Variants in FAM120B observed in about 807,000 individuals in gnomAD.
FAM120B encodes constitutive coactivator of peroxisome proliferator-activated receptor gamma.
In FAM120B, 83 loss-of-function variants were observed where a neutral mutation model predicts 96.3. That is an observed-to-expected ratio of 0.86 (90% CI 0.72 to 1.03). FAM120B has a LOEUF of 1.03. FAM120B is among the 50% of genes least tolerant of loss of function. FAM120B has a pLI of 0.00. For missense variants in FAM120B, 1,027 were observed against 1,121.2 expected, an observed-to-expected ratio of 0.92 and a Z score of 1.20; for synonymous variants, 407 against 402.7, an observed-to-expected ratio of 1.01 and a Z score of -0.13.
intron 8 of FAM120B, among the ~76,000 whole-genome samples, chr6:170,393,707 A>T (rs1283263378): frequency 6.6e-6 from 1 of 152,180 alleles, no homozygotes; most frequent in African/African-American, 2.4e-5. Context: ...TATGCCCCAC[A>T]TGGCTCACCC....
chr6:170,353,334 G>A (rs1262310517), intron 5 of FAM120B, among the ~76,000 whole-genome samples: 1 of 152,168 alleles, frequency 6.6e-6, no homozygotes, highest in Admixed American at 6.5e-5. Context: ...AAGAAGAGCT[G>A]GCACCATTTC....
At chr6:170,375,235 AACCG>A (rs141810353) in intron 6 of FAM120B, among the ~76,000 whole-genome samples, 138 of 152,370 alleles carry the variant, frequency 9.1e-4, no homozygotes, top group African/African-American at 3.2e-3. Flanking sequence ...CTTTCTAAAT[AACCG>A]ACTGTGGAAT....
chr6:170,319,817 G>T (rs900951106), intron 2 of FAM120B, among the ~76,000 whole-genome samples: 1 of 152,216 alleles, frequency 6.6e-6, no homozygotes, highest in Non-Finnish European at 1.5e-5. Context: ...ACGCGGGGGC[G>T]CAGGGAGAAA....
intron 7 of FAM120B, 84 bp from the exon 8 acceptor site, chr6:170,390,929 C>G (rs572128783): frequency 9.3e-7 from 1 of 1,080,238 alleles, no homozygotes; most frequent in Non-Finnish European, 1.4e-6. Flanking sequence ...GAAGGGTGTC[C>G]CCTAAGCTTC....
intron 5 of FAM120B, among the ~76,000 whole-genome samples, chr6:170,355,984 C>A (rs978804552): frequency 6.6e-6 from 1 of 152,144 alleles, no homozygotes; most frequent in Admixed American, 6.5e-5. Context: ...CCAGGAGGGA[C>A]ACACCGCCTG....
intron 1 of FAM120B, among the ~76,000 whole-genome samples, chr6:170,315,273 C>G (rs1163114156): frequency 1.3e-5 from 2 of 152,184 alleles, no homozygotes; most frequent in Non-Finnish European, 2.9e-5. Flanking sequence ...AAATTAAAGC[C>G]AGGCATAGAG....
chr6:170,368,076 T>G (rs1333946012), intron 6 of FAM120B, among the ~76,000 whole-genome samples: 1 of 152,206 alleles, frequency 6.6e-6, no homozygotes, highest in African/African-American at 2.4e-5. Context: ...TCAATATGCA[T>G]GTATGTTGTG....
rs779797618 is a variant in FAM120B, at chr6:170,317,464, A to G, written c.74A>G (p.Glu25Gly). The G allele has an allele frequency of 5.0e-6, 8 of 1,614,112 alleles. No individual in the cohort carries two copies. The highest frequency in any genetic ancestry group is 5.9e-6 in the Non-Finnish European group (7 of 1,180,046). Reference sequence around the variant, plus strand: ...ATATGTACAGTAGTAAATTTCAAAGAACTGGCAGAGCACCACCGAAGCAAG... The same window carrying G: ...ATATGTACAGTAGTAAATTTCAAAGGACTGGCAGAGCACCACCGAAGCAAG... ...PHICTVVNFK[E>G]LAEHHRSKYP... is the part of the protein sequence containing the mutation. The change falls in exon 2 of 11, where the codon GAA (glutamate) becomes GGA (glycine). Residue 25 changes from glutamate (E) to glycine (G), a missense_variant. By Grantham distance (98) the Glu-to-Gly change is moderately conservative (BLOSUM62 -2). Coordinates refer to ENST00000476287, the MANE Select transcript of FAM120B (RefSeq NM_032448.3).
In FAM120B at chr6:170,348,228, G is replaced by A. The variant is rs570416580; in HGVS notation, c.2095G>A (p.Ala699Thr). The stretch of plus-strand genomic sequence containing the variant: ...GGTTCGGCGCTTGGACACACTCCTA[G>A]CCTGTTTCAATCTTTCCTCCTCAAG... ...IQVRRLDTLL[A>T]CFNLSSSREE... Residue 699 changes from alanine to threonine, a missense_variant, in exon 5 of 11, where the codon GCC becomes ACC. Physicochemically the swap from Ala to Thr is moderately conservative, Grantham distance 58 (BLOSUM62 0). Transcript: ENST00000476287. 1.1e-5 allele frequency: 17 copies of A among 1,614,086 alleles called. No homozygotes were observed. The highest frequency in any genetic ancestry group is 1.2e-5 in the Non-Finnish European group (14 of 1,179,986).
At position 170,319,050 on chromosome 6, in the gene FAM120B, C is replaced by T; in HGVS notation, c.1660C>T (p.Gln554Ter). Residue 554 changes from glutamine to a stop codon, truncating the protein, a stop_gained, in exon 2 of 11, where the codon CAA becomes TAA. Coordinates refer to ENST00000476287, the MANE Select transcript of FAM120B (RefSeq NM_032448.3). LOFTEE classifies it high-confidence loss of function. ...CATGTGTACAAACCCTGAAATTAAA[C>T]AAGAAGACCCCACAAATGTGGGGCC... is the stretch of plus-strand genomic sequence containing the variant. ...ALMCTNPEIK[Q>*]EDPTNVGPEV... 6.2e-7 allele frequency: 1 copy of T among 1,604,626 alleles called. No homozygotes were observed. The highest frequency in any genetic ancestry group is 8.5e-7 in the Non-Finnish European group (1 of 1,175,564).
At chr6:170,301,545 C>A (rs1037081512) in intron 1 of FAM120B, among the ~76,000 whole-genome samples, 1 of 152,242 alleles carries the variant, frequency 6.6e-6, no homozygotes, top group Non-Finnish European at 1.5e-5. Flanking sequence ...ATTTCTCCCC[C>A]AGAAAATGGG....
intron 6 of FAM120B, among the ~76,000 whole-genome samples, chr6:170,361,014 A>G (rs1157643992): frequency 6.6e-6 from 1 of 151,896 alleles, no homozygotes; most frequent in Non-Finnish European, 1.5e-5. Flanking sequence ...GGCTTTCTCA[A>G]TAATGAGCTA....
At chr6:170,388,550 C>T in intron 7 of FAM120B, 57 bp downstream of exon 7, 1 of 1,447,688 alleles carries the variant, frequency 6.9e-7, no homozygotes, top group Non-Finnish European at 9.7e-7. Flanking sequence ...CCAGGCTGCA[C>T]AAAAAACATG....
intron 3 of FAM120B, among the ~76,000 whole-genome samples, chr6:170,327,914 C>T (rs1583207153): frequency 1.3e-5 from 2 of 151,310 alleles, no homozygotes; most frequent in South Asian, 2.1e-4. Flanking sequence ...ACACTGCACA[C>T]GCAGGCTGCT....
chr6:170,389,623 A>G (rs1317861224), intron 7 of FAM120B, among the ~76,000 whole-genome samples: 1 of 151,894 alleles, frequency 6.6e-6, no homozygotes, highest in African/African-American at 2.4e-5. Context: ...CAGTGGTGCA[A>G]TCTCCACTAA....
chr6:170,359,393 C>CA (rs138695435), intron 6 of FAM120B, among the ~76,000 whole-genome samples: 12,684 of 135,532 alleles, frequency 0.094, 694 homozygotes, highest in Admixed American at 0.19. Flanking sequence ...AACTCTGTCT[C>CA]AAAAAAAAAA....
chr6:170,401,703 G>C (rs1778592464), intron 9 of FAM120B, among the ~76,000 whole-genome samples: 1 of 152,184 alleles, frequency 6.6e-6, no homozygotes, highest in Non-Finnish European at 1.5e-5. Flanking sequence ...CCACAGTCCA[G>C]AATTTTTGCC....
At chr6:170,306,703 C>T (rs1784302201), upstream of FAM120B, 2 of 152,370 alleles carry the variant, frequency 1.3e-5, no homozygotes, top group African/African-American at 2.4e-5. Flanking sequence ...GCAGACCCCG[C>T]CTCTGCGAAC....
intron 3 of FAM120B, among the ~76,000 whole-genome samples, chr6:170,328,942 G>C (rs1442746688): frequency 1.3e-5 from 2 of 152,188 alleles, no homozygotes; most frequent in African/African-American, 4.8e-5. Context: ...TTACTTTACA[G>C]CTAGCACAGC....
Sources: gnomAD v4.1 joint callset for allele counts (sites outside exome capture counted in the v4.1 genomes callset) on GRCh38, gnomAD v4.1.1 for gene constraint, MANE v1.5 for transcripts, NCBI Gene and HGNC (gene_info 2026-07-23, HGNC 2026-07-21) for gene names.